ARID3B: variants seen among roughly 807,000 people sequenced by gnomAD.
ARID3B encodes AT-rich interaction domain 3B, also known as AT-rich interactive domain-containing protein 3B.
Under a neutral mutation model 51.9 loss-of-function variants are expected in ARID3B, and 10 were observed. The observed-to-expected ratio is 0.19, with a 90% CI of 0.12 to 0.33. ARID3B has a LOEUF of 0.33. Ranked by LOEUF, ARID3B falls within the 10% of genes least tolerant of loss-of-function variation. The probability of loss-of-function intolerance (pLI) is 1.00; values close to 1 mark genes in which losing one functional copy is unlikely to be tolerated. For synonymous variants in ARID3B, 205 were observed against 279.5 expected (o/e 0.73, Z 2.66); for missense variants, 483 against 716.3 (o/e 0.67, Z 3.72).
chr15:74,541,771 A>T (rs2061596309), intron 1 of ARID3B, among the ~76,000 whole-genome samples: 1 of 151,784 alleles, frequency 6.6e-6, no homozygotes, highest in African/African-American at 2.4e-5. Context: ...CAGCAAAAGC[A>T]GGGGAATGGT....
intron 4 of ARID3B, among the ~76,000 whole-genome samples, chr15:74,579,897 TACAC>T (rs1212599235): frequency 1.0e-4 from 15 of 147,632 alleles, no homozygotes; most frequent in African/African-American, 3.0e-4. Flanking sequence ...ACGCAAAAAA[TACAC>T]ACGTTTCAGC....
chr15:74,578,421 C>G (rs1459670961), intron 4 of ARID3B, among the ~76,000 whole-genome samples: 1 of 152,074 alleles, frequency 6.6e-6, no homozygotes, highest in Non-Finnish European at 1.5e-5. Flanking sequence ...GTAATCCGCC[C>G]GCGTCGGCCT....
Position 74,591,643 on chromosome 15 carries a change from C to G in ARID3B, c.1249C>G (p.Arg417Gly), listed in dbSNP as rs372219475. 1.8e-4 allele frequency: 295 copies of G among 1,602,818 alleles called. No homozygotes were observed. Among genetic ancestry groups the G allele is most frequent in the Non-Finnish European group, 2.3e-4 (272 of 1,174,648 alleles). ...CTTGGCAAGCCAGCAGGCTGGTACTCGGACCGCCGCACTGGAGCAGCTGCG... is the reference window on the plus strand; with the variant it reads ...CTTGGCAAGCCAGCAGGCTGGTACTGGGACCGCCGCACTGGAGCAGCTGCG... Reference protein sequence around the residue: ...VTLASQQAGTRTAALEQLRER... With the variant: ...VTLASQQAGTGTAALEQLRER... Residue 417 changes from arginine to glycine, a missense_variant, in exon 7 of 9, where the codon CGG (arginine) becomes GGG (glycine). Physicochemically the swap from Arg to Gly is moderately radical, Grantham distance 125. Transcript: ENST00000346246. This position sits in a 1 kb window ranked among gnomAD's most constrained non-coding sequence, Gnocchi z 5.8.
At chr15:74,592,420 T>C (rs552207974) in intron 7 of ARID3B, among the ~76,000 whole-genome samples, 1 of 152,140 alleles carries the variant, frequency 6.6e-6, no homozygotes, top group Non-Finnish European at 1.5e-5. Context: ...AAAGCAAACA[T>C]GAATGAGATG....
At chr15:74,572,721 C>T (rs565883893) in intron 2 of ARID3B, 141 bp from the exon 3 acceptor site, 49 of 756,454 alleles carry the variant, frequency 6.5e-5, no homozygotes, top group Non-Finnish European at 1.3e-5. Context: ...AATTAGTCTT[C>T]TGAGTTGTCT....
chr15:74,559,167 G>A (rs1160358709), intron 2 of ARID3B, among the ~76,000 whole-genome samples: 1 of 152,152 alleles, frequency 6.6e-6, no homozygotes, highest in Non-Finnish European at 1.5e-5. Context: ...TTCAGCACTC[G>A]GCTCTTAAGA....
At chr15:74,548,429 A>C (rs554404652) in intron 2 of ARID3B, among the ~76,000 whole-genome samples, 1 of 152,226 alleles carries the variant, frequency 6.6e-6, no homozygotes, top group Non-Finnish European at 1.5e-5. Flanking sequence ...TGGTTACTGC[A>C]TGTGGCTGTG....
Position 74,595,923 on chromosome 15 carries a change from C to G in ARID3B, c.*149C>G. 1 of 837,160 alleles carries G rather than the reference C, an allele frequency of 1.2e-6. No homozygotes were observed. Among genetic ancestry groups the G allele is most frequent in the Non-Finnish European group, 1.8e-6 (1 of 555,310 alleles). The allele number at this position is 837,160 out of a possible 1,614,324, so 51.9% of individuals were successfully genotyped here. On this transcript the variant is annotated 3_prime_UTR_variant, in exon 9 of 9. Transcript: ENST00000346246. Reference sequence around the variant, plus strand: ...TTGGACGTGTCCGTCTGTCCAGGCTCCATTCAGGTCCTGCTGTACTCTGGG... The same window carrying G: ...TTGGACGTGTCCGTCTGTCCAGGCTGCATTCAGGTCCTGCTGTACTCTGGG...
At chr15:74,587,818 C>T (rs1472376953) in intron 4 of ARID3B, among the ~76,000 whole-genome samples, 1 of 152,142 alleles carries the variant, frequency 6.6e-6, no homozygotes, top group Non-Finnish European at 1.5e-5. Context: ...AGGAGTATGC[C>T]CGTAATCCTC....
At chr15:74,567,849 C>G (rs1458117710) in intron 2 of ARID3B, among the ~76,000 whole-genome samples, 1 of 152,156 alleles carries the variant, frequency 6.6e-6, no homozygotes, top group African/African-American at 2.4e-5. Flanking sequence ...GTTTATTTCC[C>G]CTGTGTGCTG....
chr15:74,585,950 G>A lies in ARID3B; in HGVS notation c.698-3870G>A, dbSNP rs114033759. Among the ~76,000 whole-genome samples the A allele has an allele frequency of 5.3e-3, 802 of 152,316 alleles. 3 individuals are homozygous for A. The highest frequency in any genetic ancestry group is 0.019 in the African/African-American group (769 of 41,564). On this transcript the variant is annotated intron_variant, in intron 4 of 8. Coordinates refer to ENST00000346246, the MANE Select transcript of ARID3B (RefSeq NM_006465.4). ...CTAGAGAGCCCTCGGCATAGCCTCC[G>A]CTCTGTTTCTGATGGCACCAAGGGC... is the stretch of plus-strand genomic sequence containing the variant.
intron 2 of ARID3B, among the ~76,000 whole-genome samples, chr15:74,547,219 C>T (rs531972127): frequency 6.8e-6 from 1 of 148,042 alleles, no homozygotes; most frequent in Non-Finnish European, 1.5e-5. Context: ...AGTGCAGTGG[C>T]GCGATCTCGG....
chr15:74,554,952 C>A (rs1892450852), intron 2 of ARID3B, among the ~76,000 whole-genome samples: 1 of 151,772 alleles, frequency 6.6e-6, no homozygotes, highest in Non-Finnish European at 1.5e-5. Context: ...TAAAAAAAAA[C>A]AACAATGTAC....
At chr15:74,581,509 T>G (rs548472529) in intron 4 of ARID3B, among the ~76,000 whole-genome samples, 1 of 152,244 alleles carries the variant, frequency 6.6e-6, no homozygotes, top group African/African-American at 2.4e-5. Flanking sequence ...GGGGCTTCAT[T>G]TTCTAACTTT....
chr15:74,595,679 A>C lies in ARID3B; in HGVS notation c.1588A>C (p.Ser530Arg). 6.2e-7 allele frequency: 1 copy of C among 1,613,494 alleles called. No individual in the cohort carries two copies. The highest frequency in any genetic ancestry group is 8.5e-7 in the Non-Finnish European group (1 of 1,179,564). ...GTCTGCTCCCCAGAGCCTCGGCAGC[A>C]GCGCCAGCAGCAGCAGCAGCTCTCA... is the stretch of plus-strand genomic sequence containing the variant. ...TGSAPQSLGSSASSSSSSHCS... is the reference protein window; with the variant it reads ...TGSAPQSLGSRASSSSSSHCS... The change falls in exon 9 of 9, where the codon AGC becomes CGC. Residue 530 changes from serine (S) to arginine (R), a missense_variant. Physicochemically the swap from Ser to Arg is moderately radical, Grantham distance 110. Around this residue, in one of 3 missense-constraint regions of ARID3B, gnomAD observed 265 missense variants for 354.4 expected, o/e 0.75. Transcript: ENST00000346246.
At chr15:74,546,601 A>G (rs1052049549) in intron 2 of ARID3B, among the ~76,000 whole-genome samples, 6 of 152,358 alleles carry the variant, frequency 3.9e-5, no homozygotes, top group Admixed American at 3.3e-4. Context: ...TGGCAGCCCT[A>G]TGACTACGTA....
Position 74,591,052 on chromosome 15 carries a change from C to G in ARID3B, c.882-99C>G. ...GGTTGCAATCCTTTGCCCTAGAGTC[C>G]TGCCCAACAGAGACTGCTTCCAGAG... On this transcript the variant is annotated intron_variant, in intron 5 of 8. Coordinates refer to ENST00000346246, the MANE Select transcript of ARID3B (RefSeq NM_006465.4). This position sits in a 1 kb window ranked among gnomAD's most constrained non-coding sequence, Gnocchi z 5.8. The G allele has an allele frequency of 6.6e-7, 1 of 1,505,080 alleles. No homozygotes were observed. Among genetic ancestry groups the G allele is most frequent in the Non-Finnish European group, 8.9e-7 (1 of 1,124,334 alleles). 93.2% of individuals were successfully genotyped at this position (1,505,080 alleles called of 1,614,324 possible). A position where few individuals can be genotyped will look rare whatever the true frequency, so the allele number is the denominator to read the frequency against.
At chr15:74,588,205 G>GTC (rs1387218070) in intron 4 of ARID3B, among the ~76,000 whole-genome samples, 1 of 151,472 alleles carries the variant, frequency 6.6e-6, no homozygotes, top group East Asian at 1.9e-4. Context: ...CTGCACTCCA[G>GTC]TCTGGGCAAC....
chr15:74,576,188 C>T (rs973901446), intron 4 of ARID3B, among the ~76,000 whole-genome samples: 2 of 152,152 alleles, frequency 1.3e-5, no homozygotes, highest in South Asian at 2.1e-4. Context: ...AGCCACCGCA[C>T]CTGGTTACTG....
Sources: allele counts gnomAD v4.1 joint callset (sites outside exome capture counted in the v4.1 genomes callset), GRCh38; gene constraint gnomAD v4.1.1; regional missense constraint gnomAD v4.1.1; non-coding constraint Gnocchi (gnomAD v3.1); transcripts MANE v1.5; gene names NCBI Gene and HGNC (gene_info 2026-07-23, HGNC 2026-07-21).